FMN2: variants seen among roughly 807,000 people sequenced by gnomAD.
FMN2 encodes the protein formin-2.
Under a neutral mutation model 142.3 loss-of-function variants are expected in FMN2, and 51 were observed. The ratio of observed to expected loss-of-function variants is 0.36; its 90% CI spans 0.29 to 0.45. The LOEUF is 0.45. Ranked by LOEUF, FMN2 falls within the 20% of genes least tolerant of loss-of-function variation. The pLI is 1.00. For missense variants in FMN2, 1,936 were observed against 2,122.8 expected (o/e 0.91, Z 1.73); for synonymous variants, 882 against 869.8 (o/e 1.01, Z -0.25).
intron 14 of FMN2, among the ~76,000 whole-genome samples, chr1:240,388,038 C>T (rs1007776666): frequency 1.3e-5 from 2 of 151,294 alleles, no homozygotes; most frequent in Non-Finnish European, 2.9e-5. Flanking sequence ...TTAAGCCAGG[C>T]GTGGTGGCGG....
At chr1:240,379,836 AATAG>A (rs1344017288) in intron 14 of FMN2, among the ~76,000 whole-genome samples, 5 of 152,214 alleles carry the variant, frequency 3.3e-5, no homozygotes, top group Non-Finnish European at 5.9e-5. Context: ...TGATAAACAA[AATAG>A]ATAGACCACT....
In FMN2 at chr1:240,322,012, A is replaced by G. The variant is rs189704057; in HGVS notation, c.4216-7064A>G. 2.8e-3 allele frequency among the ~76,000 whole-genome samples: 430 copies of G among 152,318 alleles called. 2 individuals carry two copies. The highest frequency in any genetic ancestry group is 0.017 in the South Asian group (83 of 4,832). On this transcript the variant is annotated intron_variant, in intron 8 of 17. Coordinates refer to ENST00000319653, the MANE Select transcript of FMN2 (RefSeq NM_020066.5). ...TGAAAATATCTTTAATAAACAGTGCATTTAATACACCTAGCTTATCTATCA... is the reference window on the plus strand; with the variant it reads ...TGAAAATATCTTTAATAAACAGTGCGTTTAATACACCTAGCTTATCTATCA...
intron 1 of FMN2, among the ~76,000 whole-genome samples, chr1:240,101,130 C>T (rs902426411): frequency 3.9e-5 from 6 of 152,150 alleles, no homozygotes; most frequent in African/African-American, 1.4e-4. Flanking sequence ...CCACCAGCTT[C>T]CTATTAGGGC....
intron 13 of FMN2, among the ~76,000 whole-genome samples, chr1:240,337,015 C>T (rs1380346284): frequency 1.3e-5 from 2 of 151,724 alleles, no homozygotes; most frequent in Admixed American, 1.3e-4. Flanking sequence ...TGTAGAATTT[C>T]GTATCAACAA....
intron 15 of FMN2, among the ~76,000 whole-genome samples, chr1:240,403,527 G>A (rs1179456029): frequency 1.3e-5 from 2 of 152,074 alleles, no homozygotes; most frequent in African/African-American, 4.8e-5. Flanking sequence ...CCAGCTACTC[G>A]AGAGGTTGAG....
At chr1:240,140,652 G>A (rs1278584950) in intron 2 of FMN2, among the ~76,000 whole-genome samples, 1 of 137,602 alleles carries the variant, frequency 7.3e-6, no homozygotes, top group Non-Finnish European at 1.6e-5. Context: ...TCATGTCCAG[G>A]TTAAATTCTG....
chr1:240,092,316 C>T lies in FMN2; in HGVS notation c.207C>T (p.Asp69=). 1 of 1,603,208 alleles carries T rather than the reference C, an allele frequency of 6.2e-7. No individual in the cohort carries two copies. Among genetic ancestry groups the T allele is most frequent in the Non-Finnish European group, 8.5e-7 (1 of 1,173,364 alleles). ...CGGGCAAGAAGAAGAGCAAGTCCGA[C>T]TCCAGAGCCTCGGTGTTTTCCAACC... The part of the protein sequence containing the change: ...GESGKKKSKS[D]SRASVFSNLR... The change falls in exon 1 of 18, where the codon GAC becomes GAT. Residue 69 remains aspartate (D), a synonymous_variant. Transcript: ENST00000319653.
chr1:240,248,609 A>ATTTAT (rs1228128713), intron 6 of FMN2, among the ~76,000 whole-genome samples: 7 of 151,936 alleles, frequency 4.6e-5, no homozygotes, highest in Non-Finnish European at 1.0e-4. Context: ...CTTTGGGTAC[A>ATTTAT]TACCCAGGAG....
intron 3 of FMN2, among the ~76,000 whole-genome samples, chr1:240,178,834 A>G (rs11591212): frequency 0.22 from 34,204 of 152,130 alleles, 4,090 homozygotes; most frequent in South Asian, 0.3. Flanking sequence ...AAATAGAAGA[A>G]CATCATTGCT....
chr1:240,188,283 T>C, intron 4 of FMN2, 21 bp downstream of exon 4: 1 of 1,610,082 alleles, frequency 6.2e-7, no homozygotes, highest in Non-Finnish European at 8.5e-7. Flanking sequence ...CTTATTAGGA[T>C]GTCAGATTCC....
At chr1:240,350,362 G>A (rs1267905382) in intron 13 of FMN2, among the ~76,000 whole-genome samples, 1 of 152,142 alleles carries the variant, frequency 6.6e-6, no homozygotes, top group African/African-American at 2.4e-5. Flanking sequence ...GGAAAGCCTT[G>A]GCCTTGATTA....
At chr1:240,170,059 C>T (rs1171367037) in intron 2 of FMN2, 2 of 583,198 alleles carry the variant, frequency 3.4e-6, no homozygotes, top group African/African-American at 1.9e-5. Flanking sequence ...TCTCTACTCA[C>T]AGATAAGCCA....
rs71170739 is a variant in FMN2 at position 240,396,303 on chromosome 1, C to CTTGTGT, written c.4910+3741_4910+3742insTTGTGT. ...AAACCCACAATATCTCCGAGGTTTT[C>CTTGTGT]GTGTGTGTGTGTGTGTGTGTGTGTG... On this transcript the variant is annotated intron_variant, in intron 15 of 17. Coordinates refer to ENST00000319653, the MANE Select transcript of FMN2 (RefSeq NM_020066.5). Among the ~76,000 whole-genome samples the CTTGTGT allele has an allele frequency of 1.3e-3, 186 of 142,824 alleles. 1 individual carries two copies. Among genetic ancestry groups the CTTGTGT allele is most frequent in the East Asian group, 9.0e-3 (43 of 4,760 alleles). The allele number at this position is 142,824 out of a possible 152,430, so 93.7% of individuals were successfully genotyped here. A position where few individuals can be genotyped will look rare whatever the true frequency, so the allele number is the denominator to read the frequency against.
intron 1 of FMN2, among the ~76,000 whole-genome samples, chr1:240,119,437 G>A (rs1662150849): frequency 6.6e-6 from 1 of 152,182 alleles, no homozygotes; most frequent in Non-Finnish European, 1.5e-5. Context: ...TTTAGAGAGA[G>A]GTTAGGCCTG....
rs766956737 is a variant in FMN2 at position 240,207,404 on chromosome 1, A to T, written c.2592A>T (p.Thr864=). The T allele has an allele frequency of 2.5e-6, 4 of 1,613,710 alleles. No individual in the cohort carries two copies. In the Admixed American group the frequency reaches 6.7e-5, roughly 27 times the overall value. ...CATCTCCACCACCTCTGCCTTGCAC[A>T]GAGTCCTCCAGCTCCATGCCTGGCC... ...NIPSPPPLPC[T]ESSSSMPGLG... The change falls in exon 5 of 18, where the codon ACA becomes ACT. Residue 864 remains threonine (T), a synonymous_variant. Transcript: ENST00000319653.
chr1:240,180,119 T>C (rs997369691), intron 3 of FMN2: 1 of 1,204,118 alleles, frequency 8.3e-7, no homozygotes, highest in African/African-American at 1.6e-5. Flanking sequence ...CTAGAGCAAG[T>C]GATTTTTAAT....
chr1:240,120,915 C>T (rs12029496), intron 1 of FMN2, among the ~76,000 whole-genome samples: 97,553 of 152,072 alleles, frequency 0.64, 32,073 homozygotes, highest in African/African-American at 0.79. Flanking sequence ...CCCAGCACTT[C>T]GGGAGGCTGA....
At chr1:240,201,174 AT>A (rs1666108401) in intron 4 of FMN2, among the ~76,000 whole-genome samples, 1 of 152,254 alleles carries the variant, frequency 6.6e-6, no homozygotes, top group Non-Finnish European at 1.5e-5. Context: ...GCACTAATAA[AT>A]TGATCATTTA....
At chr1:240,353,712 A>C (rs1170687912) in intron 13 of FMN2, among the ~76,000 whole-genome samples, 1 of 152,196 alleles carries the variant, frequency 6.6e-6, no homozygotes, top group African/African-American at 2.4e-5. Context: ...TTAATCATCT[A>C]CTTCAAAGGG....
Sources: allele counts gnomAD v4.1 joint callset (sites outside exome capture counted in the v4.1 genomes callset), GRCh38; gene constraint gnomAD v4.1.1; transcripts MANE v1.5; gene names NCBI Gene and HGNC (gene_info 2026-07-23, HGNC 2026-07-21).